The following FBLN2 variants were observed in gnomAD, a reference collection of about 807,000 sequenced individuals.
FBLN2 encodes fibulin 2, also known as fibulin-2.
FBLN2 carries 81 observed loss-of-function variants against 123.7 expected under a neutral mutation model. The ratio of observed to expected loss-of-function variants is 0.65; its 90% CI spans 0.55 to 0.79. The LOEUF (loss-of-function observed/expected upper bound fraction) is 0.79. Ranked by LOEUF, FBLN2 falls within the 30% of genes least tolerant of loss-of-function variation. The pLI, the probability that FBLN2 is intolerant of heterozygous loss-of-function variation, is 0.00. For synonymous variants in FBLN2, 699 were observed against 701.4 expected, an observed-to-expected ratio of 1.00 and a Z score of 0.05; for missense variants, 1,603 against 1,681.3, an observed-to-expected ratio of 0.95 and a Z score of 0.81.
rs917383215 is a variant in FBLN2, at chr3:13,563,698, C to T, written c.-41-6617C>T. 3.9e-5 allele frequency among the ~76,000 whole-genome samples: 6 copies of T among 152,230 alleles called. No individual in the cohort carries two copies. In the South Asian group the frequency reaches 1.0e-3, roughly 26 times the overall value. ...ACTATGGGTCTTGCATTACTGTGGG[C>T]GTTGGGTTGGATTCTGATGCAGCTG... On this transcript the variant is annotated intron_variant, in intron 1 of 17. Transcript: ENST00000404922.
rs1269841655 is a variant in FBLN2 at position 13,637,733 on chromosome 3, G to C, written c.3510G>C (p.Lys1170Asn). ...TGDTIALNII[K>N]GNEEGYFGTR... ...ACACCATCGCCCTGAACATCATCAA[G>C]GGCAATGAGGAGGGCTACTTTGGCA... The change falls in exon 18 of 18, where the codon AAG (lysine) becomes AAC (asparagine). Residue 1170 changes from lysine to asparagine, a missense_variant. Physicochemically the swap from Lys to Asn is moderately conservative, Grantham distance 94. Coordinates refer to ENST00000404922, the MANE Select transcript of FBLN2 (RefSeq NM_001004019.2). The C allele has an allele frequency of 5.6e-6, 9 of 1,613,994 alleles. No individual in the cohort carries two copies. The highest frequency in any genetic ancestry group is 6.8e-6 in the Non-Finnish European group (8 of 1,179,852).
chr3:13,632,081 G>A (rs781398409), intron 16 of FBLN2, among the ~76,000 whole-genome samples: 6 of 152,182 alleles, frequency 3.9e-5, no homozygotes, highest in Non-Finnish European at 7.4e-5. Context: ...GATAGAGACC[G>A]TGTTCTGTGG....
At chr3:13,587,199 G>A (rs1044051876) in intron 2 of FBLN2, among the ~76,000 whole-genome samples, 2 of 149,988 alleles carry the variant, frequency 1.3e-5, no homozygotes, top group Non-Finnish European at 1.5e-5. Context: ...AACACATATA[G>A]AGTAAGGATA....
chr3:13,584,096 G>T (rs1704423048), intron 2 of FBLN2, among the ~76,000 whole-genome samples: 1 of 152,228 alleles, frequency 6.6e-6, no homozygotes, highest in Admixed American at 6.5e-5. Flanking sequence ...CGCTCCTGCT[G>T]TTGCCCTGGG....
chr3:13,581,511 C>T (rs916089526), intron 2 of FBLN2, among the ~76,000 whole-genome samples: 5 of 152,048 alleles, frequency 3.3e-5, no homozygotes, highest in African/African-American at 1.2e-4. Flanking sequence ...AGTATGCGTG[C>T]CGTAAACCTC....
chr3:13,636,779 A>G (rs927520024), intron 17 of FBLN2, among the ~76,000 whole-genome samples: 3 of 152,224 alleles, frequency 2.0e-5, no homozygotes, highest in African/African-American at 7.2e-5. Context: ...GACACACAGA[A>G]AACACCAGCC....
chr3:13,587,643 C>T (rs1704552749), intron 2 of FBLN2, among the ~76,000 whole-genome samples: 1 of 152,136 alleles, frequency 6.6e-6, no homozygotes, highest in African/African-American at 2.4e-5. Context: ...GTCAGAGAGG[C>T]CTCATTATAT....
intron 1 of FBLN2, among the ~76,000 whole-genome samples, chr3:13,557,832 A>G (rs866056743): frequency 9.8e-5 from 15 of 152,348 alleles, no homozygotes; most frequent in African/African-American, 1.2e-4. Flanking sequence ...AGAGGGTCAC[A>G]TGCTCCGAGG....
chr3:13,600,858 C>T (rs1030936429), intron 2 of FBLN2, among the ~76,000 whole-genome samples: 22 of 152,246 alleles, frequency 1.4e-4, no homozygotes, highest in East Asian at 7.7e-4. Flanking sequence ...TCAGGTGATC[C>T]GCCCACCTCG....
chr3:13,593,732 A>AAAAAG (rs1704751279), intron 2 of FBLN2, among the ~76,000 whole-genome samples: 9 of 149,654 alleles, frequency 6.0e-5, no homozygotes, highest in East Asian at 2.0e-4. Context: ...AAAAAAAAAA[A>AAAAAG]GTGGAAGATA....
chr3:13,613,901 A>G (rs953336115), intron 4 of FBLN2, 83 bp from the exon 5 acceptor site: 1 of 1,408,096 alleles, frequency 7.1e-7, no homozygotes, highest in Non-Finnish European at 9.6e-7. Context: ...TGGTGAATTC[A>G]TCTCCATTTA....
chr3:13,617,422 T>TCATATACCCATC (rs1705658828), intron 5 of FBLN2, among the ~76,000 whole-genome samples: 2 of 133,698 alleles, frequency 1.5e-5, no homozygotes, highest in Non-Finnish European at 3.2e-5. Context: ...ACTCATCCAT[T>TCATATACCCATC]CATCTACCCA....
At chr3:13,631,554 GC>G in intron 16 of FBLN2, 97 bp downstream of exon 16, 1 of 1,393,816 alleles carries the variant, frequency 7.2e-7, no homozygotes, top group South Asian at 1.5e-5. Context: ...TGCACTTGGA[GC>G]CCCCACACCC....
intron 2 of FBLN2, among the ~76,000 whole-genome samples, chr3:13,583,670 C>G (rs1704408509): frequency 6.6e-6 from 1 of 152,246 alleles, no homozygotes; most frequent in Admixed American, 6.5e-5. Flanking sequence ...GCCGGTGGAC[C>G]TGGTGGGACT....
At chr3:13,564,439 A>T (rs1703687047) in intron 1 of FBLN2, among the ~76,000 whole-genome samples, 1 of 152,178 alleles carries the variant, frequency 6.6e-6, no homozygotes. Flanking sequence ...CCAACCTGAG[A>T]CTTTGTTCTT....
intron 2 of FBLN2, among the ~76,000 whole-genome samples, chr3:13,603,890 C>T (rs903625684): frequency 6.6e-6 from 1 of 152,182 alleles, no homozygotes; most frequent in Non-Finnish European, 1.5e-5. Context: ...ACATCCTCTC[C>T]AGCACCTGTT....
chr3:13,552,272 G>T (rs1450594062), intron 1 of FBLN2, among the ~76,000 whole-genome samples: 1 of 152,142 alleles, frequency 6.6e-6, no homozygotes, highest in African/African-American at 2.4e-5. Flanking sequence ...GCTTGGATTA[G>T]GGCAGTGGCA....
chr3:13,585,070 T>C lies in FBLN2; in HGVS notation c.1306+13409T>C, dbSNP rs535069227. Among the ~76,000 whole-genome samples the C allele has an allele frequency of 5.3e-5, 8 of 152,324 alleles. No homozygotes were observed. The South Asian group carries it at 1.4e-3, about 28-fold the overall frequency. ...GGACGACCTCACAATTCCTCATCTG[T>C]CACCGTGTGGCCCCTGGAGCCTGGA... On this transcript the variant is annotated intron_variant, in intron 2 of 17. Transcript: ENST00000404922.
chr3:13,619,355 C>T (rs781454272), intron 7 of FBLN2, among the ~76,000 whole-genome samples: 1 of 151,512 alleles, frequency 6.6e-6, no homozygotes, highest in Non-Finnish European at 1.5e-5. Flanking sequence ...GTAGAAAGTC[C>T]TCTTCTTTGT....
Sources: gnomAD v4.1 joint callset for allele counts (sites outside exome capture counted in the v4.1 genomes callset) on GRCh38, gnomAD v4.1.1 for gene constraint, MANE v1.5 for transcripts, NCBI Gene and HGNC (gene_info 2026-07-23, HGNC 2026-07-21) for gene names.